SPINK8: variants seen among roughly 807,000 people sequenced by gnomAD.
The protein encoded by SPINK8 is serine peptidase inhibitor Kazal type 8 (putative), also known as serine protease inhibitor Kazal-type 8.
In SPINK8, 12 loss-of-function variants were observed where a neutral mutation model predicts 14.4. The ratio of observed to expected loss-of-function variants is 0.83; its 90% CI spans 0.53 to 1.35. The LOEUF (loss-of-function observed/expected upper bound fraction) is 1.35, where lower values mean the gene tolerates loss of function less well. SPINK8 is among the 40% of genes most tolerant of loss of function. The probability of loss-of-function intolerance (pLI) is 0.00; values close to 1 mark genes in which losing one functional copy is unlikely to be tolerated. For missense variants in SPINK8, 103 were observed against 117.0 expected, an observed-to-expected ratio of 0.88 and a Z score of 0.55; for synonymous variants, 32 against 37.6, an observed-to-expected ratio of 0.85 and a Z score of 0.55.
chr3:48,307,790 G>A (rs773168232), intron 7 of SPINK8, among the ~76,000 whole-genome samples: 9 of 151,644 alleles, frequency 5.9e-5, no homozygotes, highest in Non-Finnish European at 8.8e-5. Context: ...AGTCACAGAG[G>A]TATTAACTGA....
intron 5 of SPINK8, among the ~76,000 whole-genome samples, chr3:48,320,252 A>G (rs1212208328): frequency 6.6e-6 from 1 of 151,750 alleles, no homozygotes; most frequent in Non-Finnish European, 1.5e-5. Flanking sequence ...TTTCCAGGTT[A>G]AAATTTCTGA....
At chr3:48,315,720 C>CAAAAAAA (rs66504818) in intron 6 of SPINK8, among the ~76,000 whole-genome samples, 32 of 21,866 alleles carry the variant, frequency 1.5e-3, no homozygotes, top group Middle Eastern at 0.045. Flanking sequence ...GACTCCATCT[C>CAAAAAAA]AAAAAAAAAA....
At chr3:48,319,960 C>A (rs1382365654) in intron 5 of SPINK8, among the ~76,000 whole-genome samples, 1 of 150,982 alleles carries the variant, frequency 6.6e-6, no homozygotes, top group Non-Finnish European at 1.5e-5. Context: ...TAAACCCCAT[C>A]TCTACTAAAA....
At chr3:48,316,772 C>T (rs1345510570) in intron 6 of SPINK8, among the ~76,000 whole-genome samples, 1 of 151,726 alleles carries the variant, frequency 6.6e-6, no homozygotes, top group Non-Finnish European at 1.5e-5. Context: ...GACCTGGTCT[C>T]ATAAATAAAT....
At chr3:48,308,393 G>A (rs1319741303) in intron 7 of SPINK8, among the ~76,000 whole-genome samples, 1 of 152,180 alleles carries the variant, frequency 6.6e-6, no homozygotes, top group Non-Finnish European at 1.5e-5. Context: ...ACAGAATTGT[G>A]CTCTGCAGTA....
chr3:48,330,946 C>T (rs943504936), intron 2 of SPINK8, among the ~76,000 whole-genome samples: 1 of 151,798 alleles, frequency 6.6e-6, no homozygotes, highest in Admixed American at 6.6e-5. Flanking sequence ...TAGTAGGGGT[C>T]GTGCAGTTGA....
chr3:48,323,175 C>G (rs1309508252), intron 4 of SPINK8, among the ~76,000 whole-genome samples: 1 of 151,966 alleles, frequency 6.6e-6, no homozygotes, highest in Non-Finnish European at 1.5e-5. Context: ...GACAGAGTTT[C>G]GCTCTGTCAC....
At chr3:48,324,165 A>G (rs1313176856) in intron 4 of SPINK8, among the ~76,000 whole-genome samples, 1 of 151,992 alleles carries the variant, frequency 6.6e-6, no homozygotes, top group African/African-American at 2.4e-5. Context: ...AATTTCTTTC[A>G]TCAATGTTTT....
intron 4 of SPINK8, among the ~76,000 whole-genome samples, chr3:48,325,394 A>T (rs1409004481): frequency 1.3e-5 from 2 of 148,508 alleles, no homozygotes; most frequent in African/African-American, 4.9e-5. Flanking sequence ...TGTTGCACTA[A>T]GTAAGTAAGT....
chr3:48,333,017 A>AG (rs1393534110), intron 1 of SPINK8, among the ~76,000 whole-genome samples: 1 of 150,128 alleles, frequency 6.7e-6, no homozygotes, highest in Non-Finnish European at 1.5e-5. Context: ...TTTGTGTTGA[A>AG]GGGGGGTCAT....
intron 4 of SPINK8, among the ~76,000 whole-genome samples, chr3:48,325,671 C>A (rs1366807457): frequency 6.6e-6 from 1 of 151,248 alleles, no homozygotes; most frequent in Non-Finnish European, 1.5e-5. Context: ...CAGCTCACTG[C>A]AACCTCTGCC....
At chr3:48,329,467 C>A (rs1204071286) in intron 2 of SPINK8, among the ~76,000 whole-genome samples, 193 bp from the exon 3 acceptor site, 2 of 152,184 alleles carry the variant, frequency 1.3e-5, no homozygotes, top group African/African-American at 4.8e-5. Context: ...CCATTTTAGA[C>A]ATATGTCATA....
At chr3:48,317,810 G>A (rs1174414374) in intron 6 of SPINK8, among the ~76,000 whole-genome samples, 2 of 152,100 alleles carry the variant, frequency 1.3e-5, no homozygotes, top group Non-Finnish European at 2.9e-5. Flanking sequence ...GCAGTGGCAC[G>A]ATCATGGCTC....
chr3:48,322,157 T>G (rs1255779456), intron 4 of SPINK8, among the ~76,000 whole-genome samples: 5 of 151,704 alleles, frequency 3.3e-5, no homozygotes, highest in African/African-American at 1.2e-4. Flanking sequence ...TTTTTTTCTT[T>G]TTAAATAATT....
intron 6 of SPINK8, among the ~76,000 whole-genome samples, chr3:48,317,924 T>G (rs1160542535): frequency 1.3e-5 from 2 of 152,112 alleles, no homozygotes; most frequent in Non-Finnish European, 2.9e-5. Context: ...AATTTTTTTT[T>G]GTAGAGTCAG....
intron 2 of SPINK8, among the ~76,000 whole-genome samples, chr3:48,330,970 G>A (rs949738871): frequency 6.6e-6 from 1 of 151,884 alleles, no homozygotes; most frequent in Non-Finnish European, 1.5e-5. Context: ...TTCCTAGGGA[G>A]GGGTGCCTTT....
rs553036717 is a variant in SPINK8, at chr3:48,314,916, A to G, written c.239+4581T>C. ...AGAAAAGACCAGAGAAAGTCCCAAC[A>G]TCTCATCTCTAACTAATCTTGTGGG... is the stretch of plus-strand genomic sequence containing the variant. On this transcript the variant is annotated intron_variant, in intron 6 of 7. Transcript: ENST00000434006. 4.6e-5 allele frequency among the ~76,000 whole-genome samples: 7 copies of G among 152,344 alleles called. No individual in the cohort carries two copies. In the East Asian group the frequency reaches 1.2e-3, roughly 25 times the overall value.
intron 4 of SPINK8, among the ~76,000 whole-genome samples, chr3:48,326,141 G>A (rs2036138321): frequency 2.0e-5 from 3 of 152,018 alleles, no homozygotes; most frequent in Admixed American, 1.3e-4. Flanking sequence ...TCCTTCTGAG[G>A]GAGATATACC....
chr3:48,307,039 T>A (rs749880378), intron 7 of SPINK8, 36 bp from the exon 8 acceptor site: 1 of 1,608,448 alleles, frequency 6.2e-7, no homozygotes, highest in Non-Finnish European at 8.5e-7. Flanking sequence ...AAATCAAATT[T>A]GAGGAAGTTA....
Sources: allele counts gnomAD v4.1 joint callset (sites outside exome capture counted in the v4.1 genomes callset), GRCh38; gene constraint gnomAD v4.1.1; transcripts MANE v1.5; gene names NCBI Gene and HGNC (gene_info 2026-07-23, HGNC 2026-07-21).